The following ERAP1 variants were observed in gnomAD, a reference collection of about 807,000 sequenced individuals.
The protein encoded by ERAP1 is endoplasmic reticulum aminopeptidase 1.
Under a neutral mutation model 103.7 loss-of-function variants are expected in ERAP1, and 86 were observed. The observed-to-expected ratio is 0.83, with a 90% CI of 0.70 to 0.99. The LOEUF is 0.99. Among genes scored for constraint, ERAP1 ranks in the 50% least tolerant of loss-of-function variants. The pLI, the probability that ERAP1 is intolerant of heterozygous loss-of-function variation, is 0.00. For missense variants in ERAP1, 1,009 were observed against 1,128.4 expected (o/e 0.89, Z 1.52); for synonymous variants, 398 against 402.4 (o/e 0.99, Z 0.13).
chr5:96,848,625 T>C, the ERAP1 span: 4 of 152,166 alleles, frequency 2.6e-5, no homozygotes, highest in Admixed American at 2.6e-4. Context: ...AGTTACAATA[T>C]TAAATCAGTA....
chr5:96,913,603 T>C, the ERAP1 span: 1 of 911,452 alleles, frequency 1.1e-6, no homozygotes, highest in Non-Finnish European at 1.7e-6. Flanking sequence ...TGAAACTCCC[T>C]AGCCCAAATT....
the ERAP1 span, chr5:96,823,074 C>T: frequency 2.2e-6 from 1 of 456,212 alleles, no homozygotes; most frequent in African/African-American, 2.0e-5. Flanking sequence ...CTCCTAGAGG[C>T]CACCTGCAGT....
the ERAP1 span, among the ~76,000 whole-genome samples, chr5:96,885,848 A>T: frequency 6.6e-6 from 1 of 152,228 alleles, no homozygotes; most frequent in Non-Finnish European, 1.5e-5. Flanking sequence ...ATGAAGATAG[A>T]ATTCAGTCAT....
At chr5:96,904,959 T>C in the ERAP1 span, among the ~76,000 whole-genome samples, 1 of 152,192 alleles carries the variant, frequency 6.6e-6, no homozygotes, top group African/African-American at 2.4e-5. Context: ...CACTTACTAA[T>C]TTTTTGAGCT....
chr5:96,901,486 A>G, the ERAP1 span: 10 of 1,611,178 alleles, frequency 6.2e-6, no homozygotes, highest in Admixed American at 5.0e-5. Context: ...TTGAGTTATC[A>G]TAGTCACCTG....
intron 11 of ERAP1, among the ~76,000 whole-genome samples, chr5:96,787,763 T>C (rs1247162062): frequency 2.9e-5 from 3 of 104,360 alleles, no homozygotes; most frequent in Non-Finnish European, 4.3e-5. Flanking sequence ...TTTGGGAAGA[T>C]GGGGGAGGGA....
the ERAP1 span, chr5:96,879,738 T>C: frequency 1.2e-6 from 2 of 1,614,208 alleles, no homozygotes; most frequent in Non-Finnish European, 1.7e-6. Flanking sequence ...ATGTTTAACA[T>C]TCACAGAGGA....
chr5:96,795,126 CT>C lies in ERAP1; in HGVS notation c.834del (p.Ala279GlnfsTer9), dbSNP rs759906026. The C allele has an allele frequency of 1.2e-6, 2 of 1,613,842 alleles. No individual in the cohort carries two copies. Among genetic ancestry groups the C allele is most frequent in the Non-Finnish European group, 1.7e-6 (2 of 1,179,968 alleles). On this transcript the variant is annotated frameshift_variant, in exon 5 of 19. Coordinates refer to ENST00000443439, the MANE Select transcript of ERAP1 (RefSeq NM_001040458.3). LOFTEE classifies it high-confidence loss of function. ...SVYAVPDKINQADYALDAAVT... is the reference protein window; with the variant it reads ...SVYAVPDKINXADYALDAAVT... ...ACCGCAGCATCCAGTGCATAATCTG[CT>C]TGATTTATCTTGTCTGGCACAGCAT...
At chr5:96,808,908 T>C (rs1445042241), upstream of ERAP1, among the ~76,000 whole-genome samples, 1 of 151,816 alleles carries the variant, frequency 6.6e-6, no homozygotes, top group East Asian at 1.9e-4. Context: ...GTCCATGGAG[T>C]AAAGTGAAAG....
the ERAP1 span, among the ~76,000 whole-genome samples, chr5:96,833,057 C>T: frequency 1.3e-5 from 2 of 152,178 alleles, no homozygotes; most frequent in African/African-American, 4.8e-5. Context: ...AGGTCTCAGC[C>T]ATGCTGATGC....
chr5:96,847,897 C>A, the ERAP1 span, among the ~76,000 whole-genome samples: 1 of 151,812 alleles, frequency 6.6e-6, no homozygotes, highest in Non-Finnish European at 1.5e-5. Context: ...TGATGTTGTA[C>A]CTCAGCAAAC....
chr5:96,915,235 C>T, the ERAP1 span, among the ~76,000 whole-genome samples: 1 of 152,140 alleles, frequency 6.6e-6, no homozygotes, highest in African/African-American at 2.4e-5. Flanking sequence ...TCTCAAACTC[C>T]TGACCTCAGG....
In ERAP1 at chr5:96,795,072, A is replaced by C. The variant is rs1777194964; in HGVS notation, c.889T>G (p.Phe297Val). The change falls in exon 5 of 19, where the codon TTC (phenylalanine) becomes GTC (valine). Residue 297 changes from phenylalanine to valine, a missense_variant. Transcript: ENST00000443439. ...TTGGGTAGGGGATACGGTATGCTGA[A>C]ATAATCCTCATAAAATTCTAGAAGA... ...VTLLEFYEDY[F>V]SIPYPLPKQD... The C allele has an allele frequency of 6.2e-7, 1 of 1,614,058 alleles. No individual in the cohort carries two copies. Among genetic ancestry groups the C allele is most frequent in the Non-Finnish European group, 8.5e-7 (1 of 1,179,976 alleles).
chr5:96,827,785 C>T, the ERAP1 span, among the ~76,000 whole-genome samples: 1 of 152,184 alleles, frequency 6.6e-6, no homozygotes, highest in African/African-American at 2.4e-5. Context: ...TCTACCCACT[C>T]TATGTTTACC....
chr5:96,891,535 T>TACAC, the ERAP1 span, among the ~76,000 whole-genome samples: 18 of 138,932 alleles, frequency 1.3e-4, no homozygotes, highest in South Asian at 2.3e-4. Flanking sequence ...ACGGTATATA[T>TACAC]ACACACACAC....
chr5:96,806,757 G>C (rs1305775061), intron 1 of ERAP1, among the ~76,000 whole-genome samples: 1 of 148,060 alleles, frequency 6.8e-6, no homozygotes, highest in African/African-American at 2.5e-5. Context: ...ATATGAAATA[G>C]ATCATCAAGA....
At chr5:96,767,638 C>T (rs754541458) in intron 19 of ERAP1, among the ~76,000 whole-genome samples, 9 of 152,172 alleles carry the variant, frequency 5.9e-5, no homozygotes, top group Non-Finnish European at 1.3e-4. Context: ...TTGTTTACCT[C>T]TCTTTTAGTC....
the ERAP1 span, among the ~76,000 whole-genome samples, chr5:96,915,316 T>C: frequency 6.6e-6 from 1 of 152,210 alleles, no homozygotes; most frequent in African/African-American, 2.4e-5. Flanking sequence ...GCCCATATAA[T>C]TTATAAATAA....
the ERAP1 span, among the ~76,000 whole-genome samples, chr5:96,885,378 G>A: frequency 6.6e-6 from 1 of 152,250 alleles, no homozygotes; most frequent in East Asian, 1.9e-4. Context: ...GACGGTTGTT[G>A]GGGAAAATTA....
Sources: allele counts gnomAD v4.1 joint callset (sites outside exome capture counted in the v4.1 genomes callset), GRCh38; gene constraint gnomAD v4.1.1; transcripts MANE v1.5; gene names NCBI Gene and HGNC (gene_info 2026-07-23, HGNC 2026-07-21).